Variants in DAB1 observed in about 807,000 individuals in gnomAD.
The protein encoded by DAB1 is DAB adaptor protein 1, also known as disabled homolog 1.
DAB1 carries 15 observed loss-of-function variants against 64.6 expected under a neutral mutation model. That is an observed-to-expected ratio of 0.23 (90% confidence interval 0.16 to 0.36). The LOEUF is 0.36. Among genes scored for constraint, DAB1 ranks in the 10% least tolerant of loss-of-function variants. The probability of loss-of-function intolerance (pLI) is 1.00; values close to 1 mark genes in which losing one functional copy is unlikely to be tolerated. For missense variants in DAB1, 596 were observed against 706.7 expected, an observed-to-expected ratio of 0.84 and a Z score of 1.78; for synonymous variants, 235 against 251.9, an observed-to-expected ratio of 0.93 and a Z score of 0.64.
At chr1:57,073,758 G>A (rs539966907) in intron 4 of DAB1, among the ~76,000 whole-genome samples, 4 of 152,244 alleles carry the variant, frequency 2.6e-5, no homozygotes, top group African/African-American at 9.6e-5. Flanking sequence ...GTCATTAAAT[G>A]TAATAAAAAG....
intron 1 of DAB1, among the ~76,000 whole-genome samples, chr1:57,415,310 G>C (rs867206861): frequency 6.7e-6 from 1 of 149,976 alleles, no homozygotes; most frequent in South Asian, 2.1e-4. Flanking sequence ...ATGGATTAGA[G>C]AACCTAAATT....
chr1:58,085,527 G>C (rs1004870947), intron 5 of DAB1, among the ~76,000 whole-genome samples: 2 of 151,800 alleles, frequency 1.3e-5, no homozygotes, highest in African/African-American at 4.8e-5. Context: ...TATCATGCCT[G>C]GCTAATTTCA....
chr1:57,693,115 C>T (rs530997557), intron 6 of DAB1, among the ~76,000 whole-genome samples: 5 of 152,198 alleles, frequency 3.3e-5, no homozygotes, highest in South Asian at 2.1e-4. Flanking sequence ...CAACTTCTAC[C>T]GAGGGCCCCT....
chr1:57,497,337 C>A (rs2101301295), intron 7 of DAB1, among the ~76,000 whole-genome samples: 1 of 152,254 alleles, frequency 6.6e-6, no homozygotes, highest in Middle Eastern at 3.4e-3. Context: ...TTGTTTTGTT[C>A]ATTGCTGTAT....
chr1:58,093,055 G>C (rs1264152448), intron 5 of DAB1, among the ~76,000 whole-genome samples: 1 of 152,114 alleles, frequency 6.6e-6, no homozygotes. Context: ...CCCTAGCCCC[G>C]AGCCTTAGCT....
intron 7 of DAB1, among the ~76,000 whole-genome samples, chr1:57,526,397 G>C (rs192163323): frequency 1.3e-5 from 2 of 152,286 alleles, no homozygotes; most frequent in Admixed American, 1.3e-4. Flanking sequence ...ATATCTGAGA[G>C]GGCTGTATGG....
rs190935177 is a variant in DAB1, at chr1:58,321,550, T to G, written n.309+21802A>C. ...AACTGCACCTGGAAAATCGGGACAC[T>G]CCTGCCCAAATACTGTGCTTTTCCA... On this transcript the variant is annotated intron_variant and non_coding_transcript_variant, in intron 4 of 20. Coordinates refer to the DAB1 transcript ENST00000485760. Among the ~76,000 whole-genome samples, 6 of 152,334 alleles carry G rather than the reference T, an allele frequency of 3.9e-5. No individual in the cohort carries two copies. In the East Asian group the frequency reaches 1.2e-3, roughly 29 times the overall value.
chr1:57,231,784 G>A (rs1439589618), intron 2 of DAB1, among the ~76,000 whole-genome samples: 1 of 152,168 alleles, frequency 6.6e-6, no homozygotes. Flanking sequence ...GTCACCCAAT[G>A]TGCAGAAGGA....
intron 6 of DAB1, among the ~76,000 whole-genome samples, chr1:57,744,583 AC>A (rs1295500680): frequency 6.6e-6 from 1 of 152,188 alleles, no homozygotes; most frequent in Non-Finnish European, 1.5e-5. Context: ...GGCTGAAGTC[AC>A]CGAGGAAGTG....
chr1:58,399,944 T>C (rs1644555652), intron 3 of DAB1, among the ~76,000 whole-genome samples: 1 of 152,096 alleles, frequency 6.6e-6, no homozygotes, highest in South Asian at 2.1e-4. Flanking sequence ...GACATTGTTT[T>C]ATTTAGTAGT....
intron 3 of DAB1, among the ~76,000 whole-genome samples, chr1:58,500,759 C>T (rs1238334510): frequency 6.6e-6 from 1 of 152,048 alleles, no homozygotes; most frequent in Non-Finnish European, 1.5e-5. Context: ...CTTCACCCAA[C>T]AAAGAGGGGA....
chr1:57,977,050 C>T (rs1245213313), intron 5 of DAB1, among the ~76,000 whole-genome samples: 1 of 152,162 alleles, frequency 6.6e-6, no homozygotes, highest in Admixed American at 6.5e-5. Flanking sequence ...TTTCATCAGT[C>T]ATTTGCTCCA....
chr1:57,671,842 T>G (rs527765645), intron 6 of DAB1, among the ~76,000 whole-genome samples: 1 of 152,100 alleles, frequency 6.6e-6, no homozygotes, highest in African/African-American at 2.4e-5. Context: ...TATTACTTTG[T>G]TAATGCCTCT....
intron 2 of DAB1, among the ~76,000 whole-genome samples, chr1:57,171,963 C>G (rs566102733): frequency 2.6e-4 from 39 of 152,102 alleles, no homozygotes; most frequent in Admixed American, 7.2e-4. Flanking sequence ...AGTTCAAGAT[C>G]AAGTTGCCGG....
intron 7 of DAB1, among the ~76,000 whole-genome samples, chr1:57,645,207 C>A (rs1054870755): frequency 6.6e-6 from 1 of 152,180 alleles, no homozygotes; most frequent in Admixed American, 6.5e-5. Flanking sequence ...AAACCAGATT[C>A]TCGGTAATGT....
At chr1:57,209,848 A>C (rs1381706789) in intron 2 of DAB1, among the ~76,000 whole-genome samples, 1 of 152,132 alleles carries the variant, frequency 6.6e-6, no homozygotes, top group Non-Finnish European at 1.5e-5. Flanking sequence ...CACACACACC[A>C]GTCCCTCTCT....
At chr1:57,641,991 C>T (rs914021795) in intron 7 of DAB1, among the ~76,000 whole-genome samples, 5 of 152,144 alleles carry the variant, frequency 3.3e-5, no homozygotes, top group Non-Finnish European at 7.3e-5. Flanking sequence ...AAGCAAACTG[C>T]TTCACGTCTC....
At chr1:58,435,903 CCA>C (rs1421350240) in intron 3 of DAB1, among the ~76,000 whole-genome samples, 3 of 152,220 alleles carry the variant, frequency 2.0e-5, no homozygotes, top group Non-Finnish European at 4.4e-5. Flanking sequence ...AGCAGAGAAA[CCA>C]CAGTCTGTAG....
At chr1:57,352,262 A>T (rs1237919732) in intron 1 of DAB1, among the ~76,000 whole-genome samples, 1 of 152,174 alleles carries the variant, frequency 6.6e-6, no homozygotes, top group Non-Finnish European at 1.5e-5. Flanking sequence ...TCATCTGGAA[A>T]TGGGTACAAG....
Sources: gnomAD v4.1 joint callset for allele counts (sites outside exome capture counted in the v4.1 genomes callset) on GRCh38, gnomAD v4.1.1 for gene constraint, MANE v1.5 for transcripts, NCBI Gene and HGNC (gene_info 2026-07-23, HGNC 2026-07-21) for gene names.